ASTN1: variants seen among roughly 807,000 people sequenced by gnomAD.
ASTN1 encodes astrotactin 1.
ASTN1 carries 41 observed loss-of-function variants against 140.7 expected under a neutral mutation model. The observed-to-expected ratio is 0.29, with a 90% CI of 0.23 to 0.38. The LOEUF (loss-of-function observed/expected upper bound fraction) is 0.38, where lower values mean the gene tolerates loss of function less well. Ranked by LOEUF, ASTN1 falls within the 10% of genes least tolerant of loss-of-function variation. The pLI, the probability that ASTN1 is intolerant of heterozygous loss-of-function variation, is 1.00. For synonymous variants in ASTN1, 640 were observed against 652.2 expected, an observed-to-expected ratio of 0.98 and a Z score of 0.29; for missense variants, 1,479 against 1,678.8, an observed-to-expected ratio of 0.88 and a Z score of 2.08.
intron 17 of ASTN1, 27 bp from the exon 18 acceptor site, chr1:176,888,231 G>C: frequency 6.2e-7 from 1 of 1,612,644 alleles, no homozygotes; most frequent in Non-Finnish European, 8.5e-7. Flanking sequence ...GGAAAAGATT[G>C]AGTGTTGAGA....
intron 1 of ASTN1, among the ~76,000 whole-genome samples, chr1:177,112,655 C>A (rs923492275): frequency 1.5e-4 from 23 of 152,316 alleles, no homozygotes; most frequent in South Asian, 1.4e-3. Context: ...ATCCCTAATG[C>A]CTTTGGGCTT....
chr1:177,149,325 A>G (rs1186931922), intron 1 of ASTN1, among the ~76,000 whole-genome samples: 1 of 85,620 alleles, frequency 1.2e-5, no homozygotes, highest in African/African-American at 5.7e-5. Flanking sequence ...TATAGTATAT[A>G]TATAGTAAAT....
intron 16 of ASTN1, among the ~76,000 whole-genome samples, chr1:176,915,172 T>C (rs1438228688): frequency 6.6e-6 from 1 of 152,200 alleles, no homozygotes; most frequent in Non-Finnish European, 1.5e-5. Flanking sequence ...TTCTTGCAGA[T>C]CATTTCATTG....
At chr1:177,117,288 C>G (rs1681140671) in intron 1 of ASTN1, among the ~76,000 whole-genome samples, 1 of 152,150 alleles carries the variant, frequency 6.6e-6, no homozygotes, top group African/African-American at 2.4e-5. Flanking sequence ...CAGAGTCACT[C>G]CCGGCTTCAC....
intron 8 of ASTN1, among the ~76,000 whole-genome samples, chr1:176,986,603 T>C (rs1362663600): frequency 6.6e-6 from 1 of 152,134 alleles, no homozygotes; most frequent in Non-Finnish European, 1.5e-5. Flanking sequence ...TTCCTTTTTC[T>C]TGTCACTCAG....
chr1:177,094,362 T>C (rs1679920913), intron 1 of ASTN1, among the ~76,000 whole-genome samples: 1 of 152,152 alleles, frequency 6.6e-6, no homozygotes, highest in South Asian at 2.1e-4. Context: ...CAGTTTTAAG[T>C]GAAGGGAGGC....
chr1:177,087,435 C>T (rs894478841), intron 1 of ASTN1, among the ~76,000 whole-genome samples: 5 of 152,178 alleles, frequency 3.3e-5, no homozygotes, highest in Non-Finnish European at 5.9e-5. Flanking sequence ...TAGCCATCCT[C>T]AGCAGAGTGC....
chr1:177,108,335 A>AAG (rs1453964013), intron 1 of ASTN1, among the ~76,000 whole-genome samples: 2 of 143,708 alleles, frequency 1.4e-5, no homozygotes, highest in Non-Finnish European at 3.1e-5. Context: ...GTGACAGAGC[A>AAG]AGACTCCGTC....
At chr1:176,908,132 AACACACACAC>A (rs10669124) in intron 16 of ASTN1, among the ~76,000 whole-genome samples, 10 of 149,784 alleles carry the variant, frequency 6.7e-5, no homozygotes, top group Admixed American at 1.3e-4. Flanking sequence ...TCTCTTATGC[AACACACACAC>A]ACACACACAC....
chr1:177,085,429 C>T (rs1043970710), intron 1 of ASTN1, among the ~76,000 whole-genome samples: 4 of 152,236 alleles, frequency 2.6e-5, no homozygotes, highest in Admixed American at 1.3e-4. Flanking sequence ...GTTTACCCAG[C>T]GTTTATTGGG....
intron 8 of ASTN1, among the ~76,000 whole-genome samples, chr1:177,011,132 A>G (rs1182638805): frequency 6.6e-6 from 1 of 152,098 alleles, no homozygotes; most frequent in Non-Finnish European, 1.5e-5. Context: ...TTTATTTACC[A>G]TTCCTGAAAA....
chr1:177,137,162 A>G (rs536422769), intron 1 of ASTN1, among the ~76,000 whole-genome samples: 4 of 152,318 alleles, frequency 2.6e-5, no homozygotes, highest in East Asian at 3.9e-4. Context: ...AATAGTCACA[A>G]CACAAATGCT....
chr1:176,997,250 C>G (rs1315260331), intron 8 of ASTN1, among the ~76,000 whole-genome samples: 1 of 152,126 alleles, frequency 6.6e-6, no homozygotes, highest in African/African-American at 2.4e-5. Flanking sequence ...CTATTGTGAT[C>G]CCTAGTTCAC....
Position 176,863,318 on chromosome 1 carries a change from C to T in ASTN1, c.*966G>A. ...GTAACACTGATATGAAAGTGTTGAC[C>T]CCTCCTGGTCCCAATCAGACATCGG... On this transcript the variant is annotated 3_prime_UTR_variant, in exon 23 of 23. Transcript: ENST00000361833. 1 of 985,724 alleles carries T rather than the reference C, an allele frequency of 1.0e-6. No homozygotes were observed. The highest frequency in any genetic ancestry group is 1.2e-6 in the Non-Finnish European group (1 of 829,908). The allele number at this position is 985,724 out of a possible 1,614,324, so 61.1% of individuals were successfully genotyped here.
At chr1:177,077,881 CATGGTTTGA>C (rs1678994626) in intron 1 of ASTN1, among the ~76,000 whole-genome samples, 1 of 152,112 alleles carries the variant, frequency 6.6e-6, no homozygotes, top group African/African-American at 2.4e-5. Context: ...TGATCCACAA[CATGGTTTGA>C]CACAAAAAGG....
At chr1:177,094,580 C>T (rs1406388405) in intron 1 of ASTN1, among the ~76,000 whole-genome samples, 1 of 152,184 alleles carries the variant, frequency 6.6e-6, no homozygotes, top group Admixed American at 6.5e-5. Context: ...TCTTGGACTT[C>T]CCAGCCTCTG....
intron 5 of ASTN1, among the ~76,000 whole-genome samples, chr1:177,026,290 AG>A (rs1212561607): frequency 3.9e-5 from 6 of 152,122 alleles, no homozygotes; most frequent in African/African-American, 1.2e-4. Flanking sequence ...AGCCCAGCCC[AG>A]GCCTCAGATG....
intron 16 of ASTN1, among the ~76,000 whole-genome samples, chr1:176,923,370 G>C (rs1048019892): frequency 6.6e-6 from 1 of 152,158 alleles, no homozygotes; most frequent in Non-Finnish European, 1.5e-5. Flanking sequence ...TAGGTCAGCT[G>C]ACTGGCTACT....
At chr1:177,131,179 ACC>A in intron 1 of ASTN1, among the ~76,000 whole-genome samples, 1 of 151,990 alleles carries the variant, frequency 6.6e-6, no homozygotes, top group Non-Finnish European at 1.5e-5. Context: ...AATTAATACA[ACC>A]CTTCTGGAAA....
Sources: allele counts gnomAD v4.1 joint callset (sites outside exome capture counted in the v4.1 genomes callset), GRCh38; gene constraint gnomAD v4.1.1; transcripts MANE v1.5; gene names NCBI Gene and HGNC (gene_info 2026-07-23, HGNC 2026-07-21).